The following SHISA9 variants were observed in gnomAD, a reference collection of about 807,000 sequenced individuals.
SHISA9 encodes shisa family member 9, also known as protein shisa-9.
Under a neutral mutation model 38.0 loss-of-function variants are expected in SHISA9, and 13 were observed. The ratio of observed to expected loss-of-function variants is 0.34; its 90% confidence interval spans 0.22 to 0.54. SHISA9 has a LOEUF of 0.54. Ranked by LOEUF, SHISA9 falls within the 20% of genes least tolerant of loss-of-function variation. SHISA9 has a pLI of 0.91. For missense variants in SHISA9, 538 were observed against 575.8 expected, an observed-to-expected ratio of 0.93 and a Z score of 0.67; for synonymous variants, 275 against 242.0, an observed-to-expected ratio of 1.14 and a Z score of -1.27.
intron 2 of SHISA9, among the ~76,000 whole-genome samples, chr16:12,970,394 T>TATAC (rs2072049654): frequency 3.3e-4 from 6 of 18,332 alleles, no homozygotes; most frequent in Non-Finnish European, 5.3e-4. Flanking sequence ...TATATGTATA[T>TATAC]ATATATATAC....
the SHISA9 span, among the ~76,000 whole-genome samples, chr16:13,464,389 A>T: frequency 6.6e-6 from 1 of 152,284 alleles, no homozygotes; most frequent in Admixed American, 6.5e-5. Context: ...GCTTTGTGCA[A>T]AATCAGTCCA....
chr16:13,348,327 CA>C, the SHISA9 span, among the ~76,000 whole-genome samples: 1 of 152,038 alleles, frequency 6.6e-6, no homozygotes, highest in Admixed American at 6.5e-5. Flanking sequence ...ATTCACGCTC[CA>C]AAAGTGTGAG....
chr16:13,190,180 C>G (rs2050869810), intron 2 of SHISA9, among the ~76,000 whole-genome samples: 1 of 151,604 alleles, frequency 6.6e-6, no homozygotes. Context: ...GCTGCACCCA[C>G]TAACTTGTCA....
the SHISA9 span, among the ~76,000 whole-genome samples, chr16:13,434,419 G>GTTTTTTTTTTTTTTTTTTTTTTT: frequency 2.2e-3 from 145 of 64,474 alleles, 21 homozygotes; most frequent in East Asian, 5.5e-3. Flanking sequence ...GACAAGCTAT[G>GTTTTTTTTTTTTTTTTTTTTTTT]TTTTTTTTTT....
chr16:13,189,851 C>T (rs2050865754), intron 2 of SHISA9, among the ~76,000 whole-genome samples: 1 of 152,156 alleles, frequency 6.6e-6, no homozygotes, highest in South Asian at 2.1e-4. Flanking sequence ...AGAAGGCTGC[C>T]TCTCACTATG....
the SHISA9 span, among the ~76,000 whole-genome samples, chr16:13,448,023 G>A: frequency 2.6e-5 from 4 of 152,082 alleles, no homozygotes; most frequent in African/African-American, 7.2e-5. Context: ...ACAGGCCCAG[G>A]GTGTCTATCG....
chr16:13,120,490 C>T (rs114245062), intron 2 of SHISA9, among the ~76,000 whole-genome samples: 2,630 of 152,262 alleles, frequency 0.017, 95 homozygotes, highest in African/African-American at 0.059. Context: ...GGGCGGAGAA[C>T]GCTGGGGACT....
the SHISA9 span, among the ~76,000 whole-genome samples, chr16:13,279,341 G>A: frequency 6.6e-6 from 1 of 151,874 alleles, no homozygotes; most frequent in African/African-American, 2.4e-5. Flanking sequence ...ATTTCCATGT[G>A]CTGTTGAATA....
the SHISA9 span, among the ~76,000 whole-genome samples, chr16:13,515,723 A>C: frequency 1.3e-5 from 2 of 152,190 alleles, no homozygotes; most frequent in Non-Finnish European, 2.9e-5. Flanking sequence ...AACACACCAT[A>C]ATAAATACTT....
the SHISA9 span, among the ~76,000 whole-genome samples, chr16:13,281,960 T>C: frequency 6.6e-6 from 1 of 151,822 alleles, no homozygotes; most frequent in Non-Finnish European, 1.5e-5. Flanking sequence ...TAAACTTCAT[T>C]TTACAATGTT....
chr16:13,438,600 T>G, the SHISA9 span, among the ~76,000 whole-genome samples: 1 of 152,216 alleles, frequency 6.6e-6, no homozygotes, highest in Non-Finnish European at 1.5e-5. Flanking sequence ...AGACATATCA[T>G]TGTTATTCGG....
At chr16:13,322,918 GT>G in the SHISA9 span, among the ~76,000 whole-genome samples, 1 of 152,104 alleles carries the variant, frequency 6.6e-6, no homozygotes, top group Non-Finnish European at 1.5e-5. Context: ...CAGTCATACT[GT>G]GTCTGGATTC....
At chr16:13,122,744 A>G (rs986955876) in intron 2 of SHISA9, among the ~76,000 whole-genome samples, 2 of 152,236 alleles carry the variant, frequency 1.3e-5, no homozygotes, top group African/African-American at 4.8e-5. Flanking sequence ...TTAGGTTTTA[A>G]GATTTAAAAA....
In SHISA9 at chr16:12,987,146, C is replaced by G. The variant is rs115287346; in HGVS notation, c.691+70331C>G. Among the ~76,000 whole-genome samples the G allele has an allele frequency of 5.5e-3, 835 of 152,292 alleles. 10 individuals carry two copies. Among genetic ancestry groups the G allele is most frequent in the African/African-American group, 0.019 (797 of 41,562 alleles). On this transcript the variant is annotated intron_variant, in intron 2 of 4. Coordinates refer to ENST00000558583, the MANE Select transcript of SHISA9 (RefSeq NM_001145204.3). Reference sequence around the variant, plus strand: ...GTTGAGCCCTGGAACACCAAGAAGTCTTGATGGGGCTAAAGAGCTGTTGTC... The same window carrying G: ...GTTGAGCCCTGGAACACCAAGAAGTGTTGATGGGGCTAAAGAGCTGTTGTC...
the SHISA9 span, among the ~76,000 whole-genome samples, chr16:13,258,588 C>G: frequency 6.6e-6 from 1 of 152,086 alleles, no homozygotes; most frequent in East Asian, 1.9e-4. Context: ...AAGTCATACC[C>G]GAAACTGGGA....
the SHISA9 span, among the ~76,000 whole-genome samples, chr16:13,343,828 C>T: frequency 6.6e-6 from 1 of 152,134 alleles, no homozygotes; most frequent in Non-Finnish European, 1.5e-5. Context: ...CAGTAAACAT[C>T]TTGAGAAGCT....
the SHISA9 span, among the ~76,000 whole-genome samples, chr16:13,264,079 T>C: frequency 2.0e-5 from 3 of 152,092 alleles, no homozygotes; most frequent in African/African-American, 4.8e-5. Flanking sequence ...TTCCCCAACA[T>C]AGTATGTCTT....
At chr16:12,975,488 G>A (rs1029470372) in intron 2 of SHISA9, among the ~76,000 whole-genome samples, 1 of 152,074 alleles carries the variant, frequency 6.6e-6, no homozygotes, top group Non-Finnish European at 1.5e-5. Flanking sequence ...GGGCAACAGA[G>A]TGAGACTCCA....
the SHISA9 span, among the ~76,000 whole-genome samples, chr16:13,365,904 T>C: frequency 6.6e-6 from 1 of 152,076 alleles, no homozygotes; most frequent in African/African-American, 2.4e-5. Context: ...ATTTGAACCT[T>C]TGAAAAAAAT....
Sources: allele counts gnomAD v4.1 joint callset (sites outside exome capture counted in the v4.1 genomes callset), GRCh38; gene constraint gnomAD v4.1.1; transcripts MANE v1.5; gene names NCBI Gene and HGNC (gene_info 2026-07-23, HGNC 2026-07-21).